The following TMTC3 variants were observed in gnomAD, a reference collection of about 807,000 sequenced individuals.
The protein encoded by TMTC3 is transmembrane O-mannosyltransferase targeting cadherins 3, also known as protein O-mannosyl-transferase TMTC3.
Under a neutral mutation model 92.2 loss-of-function variants are expected in TMTC3, and 52 were observed. That is an observed-to-expected ratio of 0.56 (90% CI 0.45 to 0.71). The LOEUF is 0.71. TMTC3 is among the 30% of genes least tolerant of loss of function. The pLI, the probability that TMTC3 is intolerant of heterozygous loss-of-function variation, is 0.00. For missense variants in TMTC3, 896 were observed against 1,057.1 expected (o/e 0.85, Z 2.11); for synonymous variants, 339 against 363.3 (o/e 0.93, Z 0.76).
chr12:88,146,423 A>G (rs935990244), intron 1 of TMTC3, among the ~76,000 whole-genome samples: 1 of 152,054 alleles, frequency 6.6e-6, no homozygotes, highest in African/African-American at 2.4e-5. Context: ...TAAGAAGCCT[A>G]AGATAACCTA....
rs12296370 is a variant in TMTC3, at chr12:88,188,826, T to G, written c.1433-17T>G. 87,299 of 1,336,414 alleles carry G rather than the reference T, an allele frequency of 0.065. 5,149 individuals carry two copies. The highest frequency in any genetic ancestry group is 0.29 in the African/African-American group (19,481 of 67,488). 82.8% of individuals were successfully genotyped at this position (1,336,414 alleles called of 1,614,324 possible). Reference sequence around the variant, plus strand: ...CAGTTGTATACTTGCCAACAAATGATTGTTTTAAAATTTTAGATGATATTG... The same window carrying G: ...CAGTTGTATACTTGCCAACAAATGAGTGTTTTAAAATTTTAGATGATATTG... On this transcript the variant is annotated splice_polypyrimidine_tract_variant and intron_variant, in intron 10 of 13. Transcript: ENST00000266712.
intron 1 of TMTC3, among the ~76,000 whole-genome samples, chr12:88,145,024 T>C (rs905005913): frequency 2.0e-5 from 3 of 152,212 alleles, no homozygotes; most frequent in African/African-American, 7.2e-5. Context: ...CAGTTTTATC[T>C]GACCAAAATC....
chr12:88,169,863 CAA>C (rs2041185411), intron 7 of TMTC3, among the ~76,000 whole-genome samples: 1 of 150,504 alleles, frequency 6.6e-6, no homozygotes, highest in African/African-American at 2.4e-5. Context: ...TGCTTGAGCC[CAA>C]GAGTTCAAGA....
intron 1 of TMTC3, among the ~76,000 whole-genome samples, chr12:88,147,167 A>T (rs1191291050): frequency 2.0e-5 from 3 of 151,980 alleles, no homozygotes; most frequent in Non-Finnish European, 4.4e-5. Context: ...AGATTCTCTT[A>T]AACATTGCAA....
intron 1 of TMTC3, among the ~76,000 whole-genome samples, chr12:88,144,240 T>C (rs569218538): frequency 6.6e-6 from 1 of 152,308 alleles, no homozygotes; most frequent in African/African-American, 2.4e-5. Flanking sequence ...CTCACCCTTA[T>C]TTTACCCAGC....
intron 4 of TMTC3, among the ~76,000 whole-genome samples, chr12:88,159,148 A>G (rs1282556906): frequency 6.6e-6 from 1 of 151,894 alleles, no homozygotes; most frequent in African/African-American, 2.4e-5. Flanking sequence ...AGAATTAGAG[A>G]TTATAGTTTT....
intron 6 of TMTC3, among the ~76,000 whole-genome samples, chr12:88,162,230 T>C (rs1051583797): frequency 4.6e-5 from 7 of 152,198 alleles, no homozygotes; most frequent in African/African-American, 1.7e-4. Flanking sequence ...TGCTAATGTA[T>C]GTTATGTGTA....
At chr12:88,186,694 A>G (rs2041381661) in intron 10 of TMTC3, among the ~76,000 whole-genome samples, 6 of 152,146 alleles carry the variant, frequency 3.9e-5, no homozygotes, top group Admixed American at 3.9e-4. Flanking sequence ...ACTTAAATTT[A>G]TCTTAAAAGT....
At chr12:88,185,832 C>T (rs1482598220) in intron 10 of TMTC3, among the ~76,000 whole-genome samples, 1 of 151,952 alleles carries the variant, frequency 6.6e-6, no homozygotes. Context: ...TCTGTTAATA[C>T]AGTGGATATC....
chr12:88,174,540 C>T, intron 8 of TMTC3, 67 bp from the exon 9 acceptor site: 1 of 1,534,498 alleles, frequency 6.5e-7, no homozygotes. Flanking sequence ...TACCTCTGTT[C>T]TAAAAGGTAA....
At chr12:88,159,762 A>T (rs929013400) in intron 4 of TMTC3, among the ~76,000 whole-genome samples, 1 of 152,138 alleles carries the variant, frequency 6.6e-6, no homozygotes, top group Non-Finnish European at 1.5e-5. Context: ...GATATCTGTC[A>T]TAATTTCAGG....
At chr12:88,181,656 C>T (rs184929971) in intron 10 of TMTC3, among the ~76,000 whole-genome samples, 50 of 152,074 alleles carry the variant, frequency 3.3e-4, no homozygotes, top group African/African-American at 9.4e-4. Context: ...CAGGTGGGCT[C>T]GAGAGTGGAC....
At chr12:88,159,706 T>C (rs1236525686) in intron 4 of TMTC3, among the ~76,000 whole-genome samples, 1 of 152,188 alleles carries the variant, frequency 6.6e-6, no homozygotes, top group South Asian at 2.1e-4. Context: ...CCCAATACTT[T>C]TAAATTTTAA....
intron 4 of TMTC3, among the ~76,000 whole-genome samples, chr12:88,159,057 A>C (rs2041044342): frequency 6.6e-6 from 1 of 151,592 alleles, no homozygotes; most frequent in African/African-American, 2.4e-5. Flanking sequence ...TGTCTCAAAA[A>C]AAAAAAAAGG....
rs1409786526 is a variant in TMTC3 at position 88,166,513 on chromosome 12, T to C, written c.981T>C (p.Phe327=). The change falls in exon 7 of 14, where the codon TTT becomes TTC. Residue 327 remains phenylalanine (F), a synonymous_variant. Coordinates refer to ENST00000266712, the MANE Select transcript of TMTC3 (RefSeq NM_181783.4). ...GAAATCTGGCCACATTTACTTTCTT[T>C]TGTTTTCTGGGGATGTTGGGAGTAT... The part of the protein sequence containing the change: ...DIRNLATFTF[F]CFLGMLGVFS... 2.5e-6 allele frequency: 4 copies of C among 1,613,894 alleles called. No individual in the cohort carries two copies. The highest frequency in any genetic ancestry group is 3.4e-6 in the Non-Finnish European group (4 of 1,179,958).
At position 88,160,225 on chromosome 12, in the gene TMTC3, AG is replaced by A; in HGVS notation, c.624+1del. ...ICCVYEVFIAQGYTLPLLCTT... is the reference protein window; with the variant it reads ...ICCVYEVFIAXGYTLPLLCTT... ...TGTGTGTATGAAGTGTTTATTGCCC[AG>A]GGGGTAAGCCAAACTATAAATATAT... On this transcript the variant is annotated frameshift_variant, in exon 5 of 14. Transcript: ENST00000266712. LOFTEE classifies it high-confidence loss of function. 1 of 1,525,244 alleles carries A rather than the reference AG, an allele frequency of 6.6e-7. No individual in the cohort carries two copies. The highest frequency in any genetic ancestry group is 8.8e-7 in the Non-Finnish European group (1 of 1,139,214). The allele number at this position is 1,525,244 out of a possible 1,614,324, so 94.5% of individuals were successfully genotyped here.
Position 88,195,489 on chromosome 12 carries a change from G to A in TMTC3, c.2585G>A (p.Ser862Asn). 1 of 1,612,892 alleles carries A rather than the reference G, an allele frequency of 6.2e-7. No individual in the cohort carries two copies. Among genetic ancestry groups the A allele is most frequent in the Non-Finnish European group, 8.5e-7 (1 of 1,179,600 alleles). Residue 862 changes from serine (S) to asparagine (N), a missense_variant, in exon 14 of 14, where the codon AGT (serine) becomes AAT (asparagine). By Grantham distance (46) the Ser-to-Asn change is conservative. Transcript: ENST00000266712. ...ESRQTQIVKT[S>N]DNKSQSKSNK... ...AGACAAACACAAATAGTAAAAACAAGTGATAATAAAAGTCAGTCTAAATCC... is the reference window on the plus strand; with the variant it reads ...AGACAAACACAAATAGTAAAAACAAATGATAATAAAAGTCAGTCTAAATCC...
chr12:88,161,414 TCTTTTTA>T (rs1165013362), intron 6 of TMTC3, among the ~76,000 whole-genome samples: 2 of 152,166 alleles, frequency 1.3e-5, no homozygotes, highest in African/African-American at 4.8e-5. Flanking sequence ...TCTTTTTCCA[TCTTTTTA>T]CTTTTTACCT....
At chr12:88,163,740 C>T (rs1487927363) in intron 6 of TMTC3, among the ~76,000 whole-genome samples, 1 of 152,082 alleles carries the variant, frequency 6.6e-6, no homozygotes, top group Non-Finnish European at 1.5e-5. Context: ...GGATTTAGGG[C>T]CCACCCTAAC....
Sources: gnomAD v4.1 joint callset for allele counts (sites outside exome capture counted in the v4.1 genomes callset) on GRCh38, gnomAD v4.1.1 for gene constraint, MANE v1.5 for transcripts, NCBI Gene and HGNC (gene_info 2026-07-23, HGNC 2026-07-21) for gene names.